Variants in NOM1 observed in about 807,000 individuals in gnomAD.
The protein encoded by NOM1 is nucleolar MIF4G domain-containing protein 1.
In NOM1, 58 loss-of-function variants were observed where a neutral mutation model predicts 73.3. The observed-to-expected ratio is 0.79, with a 90% confidence interval of 0.64 to 0.99. NOM1 has a LOEUF of 0.99. NOM1 is among the 50% of genes least tolerant of loss of function. NOM1 has a pLI of 0.00. For missense variants in NOM1, 1,226 were observed against 1,131.9 expected, an observed-to-expected ratio of 1.08 and a Z score of -1.19; for synonymous variants, 487 against 446.8, an observed-to-expected ratio of 1.09 and a Z score of -1.14.
chr7:156,961,258 G>A (rs1284394412), intron 4 of NOM1, among the ~76,000 whole-genome samples: 3 of 152,182 alleles, frequency 2.0e-5, no homozygotes, highest in Non-Finnish European at 4.4e-5. Flanking sequence ...AGTGTCCCCA[G>A]GAAGAATTCA....
chr7:156,959,715 G>C, intron 3 of NOM1, 136 bp from the exon 4 acceptor site: 1 of 818,936 alleles, frequency 1.2e-6, no homozygotes, highest in South Asian at 1.7e-5. Flanking sequence ...GCTGCTCTGG[G>C]TTGCCGAGGG....
intron 4 of NOM1, among the ~76,000 whole-genome samples, chr7:156,961,378 C>A (rs1804860386): frequency 6.6e-6 from 1 of 152,064 alleles, no homozygotes; most frequent in Non-Finnish European, 1.5e-5. Context: ...AGAAGCCAGT[C>A]TGAAGAGGAG....
chr7:156,964,291 G>T, intron 7 of NOM1: 1 of 208,464 alleles, frequency 4.8e-6, no homozygotes, highest in South Asian at 1.2e-4. Context: ...TTTGAGACAG[G>T]GTCTTGCCAT....
chr7:156,954,009 T>A, intron 2 of NOM1, 94 bp from the exon 3 acceptor site: 1 of 986,250 alleles, frequency 1.0e-6, no homozygotes, highest in Non-Finnish European at 1.5e-6. Context: ...ATAGAATATA[T>A]TGTTGGTATG....
At chr7:156,966,857 T>TA in intron 8 of NOM1, 104 bp from the exon 9 acceptor site, 1 of 1,265,172 alleles carries the variant, frequency 7.9e-7, no homozygotes, top group Non-Finnish European at 1.1e-6. Context: ...TTTAGAATAT[T>TA]AAAAATAAGA....
intron 3 of NOM1, among the ~76,000 whole-genome samples, chr7:156,955,970 C>T (rs1214829265): frequency 6.6e-6 from 1 of 152,004 alleles, no homozygotes; most frequent in African/African-American, 2.4e-5. Context: ...GCGGGTGGAT[C>T]ACGAGGTCAG....
At chr7:156,964,272 G>GT (rs111604453) in intron 7 of NOM1, 7,552 of 203,852 alleles carry the variant, frequency 0.037, 102 homozygotes, top group African/African-American at 0.072. Context: ...GGGGTTTGGG[G>GT]TTTTTTTTTT....
intron 3 of NOM1, 148 bp downstream of exon 3, chr7:156,954,446 A>G: frequency 3.3e-6 from 2 of 601,338 alleles, no homozygotes; most frequent in Non-Finnish European, 5.2e-6. Flanking sequence ...TGTCTATGTC[A>G]TGTAGTTGTA....
At chr7:156,960,339 T>A in intron 4 of NOM1, 165 bp downstream of exon 4, 1 of 597,498 alleles carries the variant, frequency 1.7e-6, no homozygotes, top group Non-Finnish European at 2.9e-6. Flanking sequence ...TGGACCTTAT[T>A]CCTTTACCAG....
At position 156,960,059 on chromosome 7, in the gene NOM1, T is replaced by C. The variant is rs780174629; in HGVS notation, c.1517T>C (p.Leu506Pro). Residue 506 changes from leucine (L) to proline (P), a missense_variant, in exon 4 of 11, where the codon CTG becomes CCG. Transcript: ENST00000275820. ...GATATTGAACTGATCTTGTTAATGCTGAAAAACGTGGGTTTTTCATTGAGG... is the reference window on the plus strand; with the variant it reads ...GATATTGAACTGATCTTGTTAATGCCGAAAAACGTGGGTTTTTCATTGAGG... ...EKDIELILLM[L>P]KNVGFSLRKD... 6.2e-7 allele frequency: 1 copy of C among 1,614,060 alleles called. No individual in the cohort carries two copies. Among genetic ancestry groups the C allele is most frequent in the African/African-American group, 1.3e-5 (1 of 74,926 alleles).
rs34176770 is a variant in NOM1 at position 156,954,522 on chromosome 7, C to CTTTTTTTTTTTTTTTTTTTTTT, written c.1308+244_1308+245insTTTTTTTTTTTTTTTTTTTTTT. Among the ~76,000 whole-genome samples, 617 of 101,590 alleles carry CTTTTTTTTTTTTTTTTTTTTTT rather than the reference C, an allele frequency of 6.1e-3. 36 individuals carry two copies. Among genetic ancestry groups the CTTTTTTTTTTTTTTTTTTTTTT allele is most frequent in the East Asian group, 0.011 (34 of 3,090 alleles). 66.6% of individuals were successfully genotyped at this position (101,590 alleles called of 152,430 possible). ...ACTTTGCTTTTTTGTTCTGTCCATT[C>CTTTTTTTTTTTTTTTTTTTTTT]TTTTTTTTTTTTTTTTTTTTGAGAC... On this transcript the variant is annotated intron_variant, in intron 3 of 10. Transcript: ENST00000275820.
At chr7:156,953,814 G>A (rs74355180) in intron 2 of NOM1, among the ~76,000 whole-genome samples, 33 of 152,334 alleles carry the variant, frequency 2.2e-4, no homozygotes, top group African/African-American at 7.9e-4. Flanking sequence ...ATATTCAGGG[G>A]AGTATCCTCA....
intron 3 of NOM1, among the ~76,000 whole-genome samples, chr7:156,958,356 C>G (rs904472418): frequency 3.3e-5 from 5 of 152,226 alleles, no homozygotes; most frequent in African/African-American, 1.2e-4. Flanking sequence ...GTGTCACACA[C>G]TGCCATGCGT....
intron 3 of NOM1, among the ~76,000 whole-genome samples, chr7:156,959,269 A>G (rs1241440972): frequency 6.6e-6 from 1 of 151,958 alleles, no homozygotes; most frequent in African/African-American, 2.4e-5. Context: ...CGCCCGGCTA[A>G]TTTTTTGTAT....
At chr7:156,952,323 C>G in intron 1 of NOM1, 151 bp from the exon 2 acceptor site, 1 of 770,332 alleles carries the variant, frequency 1.3e-6, no homozygotes, top group Admixed American at 3.0e-5. Flanking sequence ...ATACTAAGCA[C>G]TCAATAAATC....
At chr7:156,963,588 C>G (rs900944885) in intron 6 of NOM1, 1 of 364,786 alleles carries the variant, frequency 2.7e-6, no homozygotes, top group Non-Finnish European at 5.1e-6. Flanking sequence ...TTCCCTGTCC[C>G]AGATTCTGTG....
At chr7:156,951,539 A>G (rs1351685671) in intron 1 of NOM1, among the ~76,000 whole-genome samples, 1 of 152,124 alleles carries the variant, frequency 6.6e-6, no homozygotes, top group Non-Finnish European at 1.5e-5. Flanking sequence ...CCCACATCGC[A>G]CTAGTTCTAT....
At chr7:156,953,963 A>G (rs1804656067) in intron 2 of NOM1, 140 bp from the exon 3 acceptor site, 2 of 653,124 alleles carry the variant, frequency 3.1e-6, no homozygotes, top group South Asian at 4.2e-5. Flanking sequence ...TTGGGGCAAG[A>G]TAAGAATAGT....
chr7:156,966,196 T>G (rs1804991119), intron 7 of NOM1, 74 bp from the exon 8 acceptor site: 2 of 1,572,670 alleles, frequency 1.3e-6, no homozygotes, highest in Admixed American at 3.4e-5. Context: ...CGGGAAGATG[T>G]TCCCCTGAAA....
Sources: gnomAD v4.1 joint callset for allele counts (sites outside exome capture counted in the v4.1 genomes callset) on GRCh38, gnomAD v4.1.1 for gene constraint, MANE v1.5 for transcripts, NCBI Gene and HGNC (gene_info 2026-07-23, HGNC 2026-07-21) for gene names.